HS3ST4: variants seen among roughly 807,000 people sequenced by gnomAD.
HS3ST4 encodes heparan sulfate-glucosamine 3-sulfotransferase 4.
Under a neutral mutation model 29.2 loss-of-function variants are expected in HS3ST4, and 17 were observed. The ratio of observed to expected loss-of-function variants is 0.58; its 90% CI spans 0.40 to 0.87. HS3ST4 has a LOEUF of 0.87. Ranked by LOEUF, HS3ST4 falls within the 40% of genes least tolerant of loss-of-function variation. The probability of loss-of-function intolerance (pLI) is 0.00; values close to 1 mark genes in which losing one functional copy is unlikely to be tolerated. For missense variants in HS3ST4, 627 were observed against 634.5 expected (o/e 0.99, Z 0.13); for synonymous variants, 314 against 285.7 (o/e 1.10, Z -1.00).
In HS3ST4 at chr16:25,754,741, AC is replaced by A; in HGVS notation, c.734+61595del. Among the ~76,000 whole-genome samples the A allele has an allele frequency of 2.6e-5, 4 of 151,704 alleles. No homozygotes were observed. The South Asian group carries it at 8.4e-4, about 32-fold the overall frequency. On this transcript the variant is annotated intron_variant, in intron 1 of 1. Transcript: ENST00000331351. ...TCACAAGAACAGGATGGGGAAAACC[AC>A]CCCCATGATTAAATTATCTCCACCT...
At chr16:25,814,133 T>C (rs1377293892) in intron 1 of HS3ST4, among the ~76,000 whole-genome samples, 1 of 152,218 alleles carries the variant, frequency 6.6e-6, no homozygotes, top group Non-Finnish European at 1.5e-5. Context: ...ATGGAACTCT[T>C]CTATATCTTG....
intron 1 of HS3ST4, among the ~76,000 whole-genome samples, chr16:25,765,232 G>A (rs372025622): frequency 2.0e-4 from 31 of 152,304 alleles, no homozygotes; most frequent in South Asian, 4.2e-4. Flanking sequence ...AAAAGGAAAC[G>A]AATTCTGGCA....
intron 1 of HS3ST4, among the ~76,000 whole-genome samples, chr16:25,966,065 A>T (rs767114532): frequency 6.6e-6 from 1 of 152,128 alleles, no homozygotes; most frequent in Admixed American, 6.6e-5. Context: ...ATATCATGAC[A>T]CTATTCTAAA....
intron 1 of HS3ST4, among the ~76,000 whole-genome samples, chr16:25,721,568 T>G (rs1966496243): frequency 6.6e-6 from 1 of 152,216 alleles, no homozygotes; most frequent in Admixed American, 6.5e-5. Flanking sequence ...ACATGTGGGA[T>G]GGCCCAGTTG....
chr16:25,747,845 A>G (rs1966694421), intron 1 of HS3ST4, among the ~76,000 whole-genome samples: 1 of 152,146 alleles, frequency 6.6e-6, no homozygotes. Flanking sequence ...AGGAGGAGAG[A>G]AGGCTTTTCC....
chr16:25,806,100 C>T (rs1358563385), intron 1 of HS3ST4, among the ~76,000 whole-genome samples: 2 of 152,066 alleles, frequency 1.3e-5, no homozygotes, highest in African/African-American at 2.4e-5. Flanking sequence ...TTTATCTAGT[C>T]TGTTATTGAT....
At chr16:25,782,209 G>A (rs955740851) in intron 1 of HS3ST4, among the ~76,000 whole-genome samples, 9 of 152,154 alleles carry the variant, frequency 5.9e-5, no homozygotes, top group Non-Finnish European at 1.2e-4. Context: ...ATGGGAAACC[G>A]CCCCCATAAT....
chr16:25,777,540 G>A (rs550017561), intron 1 of HS3ST4, among the ~76,000 whole-genome samples: 118 of 152,186 alleles, frequency 7.8e-4, no homozygotes, highest in African/African-American at 2.7e-3. Context: ...AGGCTGAGGC[G>A]GGTGGATCAC....
chr16:25,780,446 T>C (rs949400388), intron 1 of HS3ST4, among the ~76,000 whole-genome samples: 1 of 152,172 alleles, frequency 6.6e-6, no homozygotes, highest in African/African-American at 2.4e-5. Flanking sequence ...CATAGGGGTC[T>C]CTTGTTGAGA....
intron 1 of HS3ST4, among the ~76,000 whole-genome samples, chr16:25,955,402 C>A (rs916667175): frequency 6.6e-6 from 1 of 152,086 alleles, no homozygotes; most frequent in African/African-American, 2.4e-5. Context: ...TGGCAAGTAC[C>A]TTTTTTCTTA....
At chr16:26,026,051 G>C (rs1332553235) in intron 1 of HS3ST4, among the ~76,000 whole-genome samples, 1 of 151,288 alleles carries the variant, frequency 6.6e-6, no homozygotes, top group East Asian at 1.9e-4. Context: ...TGGGACTACA[G>C]GCGTGTGCCA....
chr16:26,003,854 A>C (rs1969233225), intron 1 of HS3ST4, among the ~76,000 whole-genome samples: 1 of 152,104 alleles, frequency 6.6e-6, no homozygotes, highest in African/African-American at 2.4e-5. Flanking sequence ...AACCAACACC[A>C]TGCCATGTGC....
In HS3ST4 at chr16:26,135,810, T is replaced by G; in HGVS notation, c.933T>G (p.Phe311Leu). The change falls in exon 2 of 2, where the codon TTT (phenylalanine) becomes TTG (leucine). Residue 311 changes from phenylalanine to leucine, a missense_variant. Transcript: ENST00000331351. The part of the protein sequence containing the change: ...TLSKKPEIPT[F>L]EVLAFKNRTL... ...CAAAGAAACCCGAGATCCCCACCTT[T>G]GAGGTGCTGGCCTTCAAAAACCGGA... is the stretch of plus-strand genomic sequence containing the variant. 6.2e-7 allele frequency: 1 copy of G among 1,614,058 alleles called. No homozygotes were observed.
intron 1 of HS3ST4, among the ~76,000 whole-genome samples, chr16:25,835,341 G>T (rs925353510): frequency 1.1e-4 from 17 of 152,164 alleles, no homozygotes; most frequent in African/African-American, 4.1e-4. Context: ...GTTCAATTCT[G>T]TGCATGAGCC....
intron 1 of HS3ST4, among the ~76,000 whole-genome samples, chr16:25,746,271 G>T (rs1197419048): frequency 6.6e-6 from 1 of 152,186 alleles, no homozygotes; most frequent in Non-Finnish European, 1.5e-5. Context: ...GTTATAATGG[G>T]ATATTAAAGG....
At chr16:26,048,427 G>A (rs751665915) in intron 1 of HS3ST4, among the ~76,000 whole-genome samples, 1 of 152,186 alleles carries the variant, frequency 6.6e-6, no homozygotes, top group Non-Finnish European at 1.5e-5. Context: ...CTTCCTCTAG[G>A]CCACCATTTC....
intron 1 of HS3ST4, among the ~76,000 whole-genome samples, chr16:26,131,426 A>T (rs1191718723): frequency 6.6e-6 from 1 of 152,008 alleles, no homozygotes; most frequent in Non-Finnish European, 1.5e-5. Context: ...TCCTGGCCCT[A>T]TTTTCTGACT....
chr16:25,754,534 C>T (rs531866214), intron 1 of HS3ST4, among the ~76,000 whole-genome samples: 25 of 151,996 alleles, frequency 1.6e-4, no homozygotes, highest in Admixed American at 5.9e-4. Flanking sequence ...ACCCAAGACT[C>T]GGTAATCTAT....
intron 1 of HS3ST4, among the ~76,000 whole-genome samples, chr16:26,123,722 C>T (rs1899306220): frequency 6.6e-6 from 1 of 152,110 alleles, no homozygotes; most frequent in Non-Finnish European, 1.5e-5. Context: ...TATGGCTTTG[C>T]ACCTTCATAG....
Sources: gnomAD v4.1 joint callset for allele counts (sites outside exome capture counted in the v4.1 genomes callset) on GRCh38, gnomAD v4.1.1 for gene constraint, MANE v1.5 for transcripts, NCBI Gene and HGNC (gene_info 2026-07-23, HGNC 2026-07-21) for gene names.